Variants in NNMT observed in about 807,000 individuals in gnomAD.
NNMT encodes nicotinamide N-methyltransferase.
NNMT carries 10 observed loss-of-function variants against 11.7 expected under a neutral mutation model. That is an observed-to-expected ratio of 0.85 (90% CI 0.53 to 1.45). The LOEUF (loss-of-function observed/expected upper bound fraction) is 1.45. NNMT is among the 40% of genes most tolerant of loss of function. The pLI, the probability that NNMT is intolerant of heterozygous loss-of-function variation, is 0.00. For missense variants in NNMT, 381 were observed against 319.4 expected, an observed-to-expected ratio of 1.19 and a Z score of -1.47; for synonymous variants, 143 against 133.8, an observed-to-expected ratio of 1.07 and a Z score of -0.48.
chr11:114,299,660 C>T (rs187258256), intron 2 of NNMT, among the ~76,000 whole-genome samples: 170 of 152,202 alleles, frequency 1.1e-3, no homozygotes, highest in African/African-American at 3.3e-3. Context: ...AATTTTTGTG[C>T]GAGAGAAGAC....
In NNMT at chr11:114,312,082, G is replaced by T; in HGVS notation, c.400G>T (p.Ala134Ser). 1 of 1,594,366 alleles carries T rather than the reference G, an allele frequency of 6.3e-7. No individual in the cohort carries two copies. The highest frequency in any genetic ancestry group is 8.6e-7 in the Non-Finnish European group (1 of 1,167,190). The change falls in exon 3 of 3, where the codon GCG becomes TCG. Residue 134 changes from alanine (A) to serine (S), a missense_variant. Physicochemically the swap from Ala to Ser is moderately conservative, Grantham distance 99. Transcript: ENST00000299964. ...GPEKEEKLRQAVKQVLKCDVT... is the reference protein window; with the variant it reads ...GPEKEEKLRQSVKQVLKCDVT... ...AGAGAAGGAGGAGAAGTTGAGACAG[G>T]CGGTCAAGCAGGTGCTGAAGTGTGA...
At chr11:114,293,346 C>T (rs984703102), upstream of NNMT, among the ~76,000 whole-genome samples, 5 of 152,104 alleles carry the variant, frequency 3.3e-5, no homozygotes, top group African/African-American at 1.2e-4. Flanking sequence ...TTCCTTTACT[C>T]CCTTTCCCCA....
chr11:114,292,195 C>A (rs186746336), upstream of NNMT, among the ~76,000 whole-genome samples: 5 of 152,264 alleles, frequency 3.3e-5, no homozygotes, highest in Admixed American at 2.0e-4. Context: ...TCCTCTACTG[C>A]TAATATATAC....
At chr11:114,277,202 G>A (rs1022021527) in intron 2 of NNMT, among the ~76,000 whole-genome samples, 2 of 152,042 alleles carry the variant, frequency 1.3e-5, no homozygotes, top group South Asian at 2.1e-4. Context: ...CAGCCTGGGC[G>A]ACATAGCAAG....
intron 2 of NNMT, among the ~76,000 whole-genome samples, chr11:114,281,060 C>T (rs1478621621): frequency 6.6e-6 from 1 of 152,194 alleles, no homozygotes; most frequent in Non-Finnish European, 1.5e-5. Context: ...CCCAGGGTCC[C>T]ACTAGGGACG....
At chr11:114,265,235 C>T (rs751333162) in intron 2 of NNMT, among the ~76,000 whole-genome samples, 7 of 152,274 alleles carry the variant, frequency 4.6e-5, no homozygotes, top group South Asian at 2.1e-4. Flanking sequence ...AGGAGTTGTG[C>T]GCCAAGAGAC....
At chr11:114,271,128 G>A (rs528295399) in intron 2 of NNMT, among the ~76,000 whole-genome samples, 1 of 152,294 alleles carries the variant, frequency 6.6e-6, no homozygotes, top group Non-Finnish European at 1.5e-5. Context: ...TCATATTGGG[G>A]CCAAGGGGTT....
At chr11:114,303,515 A>G (rs1175165875) in intron 2 of NNMT, among the ~76,000 whole-genome samples, 1 of 152,200 alleles carries the variant, frequency 6.6e-6, no homozygotes, top group East Asian at 1.9e-4. Context: ...CAATTTTTCT[A>G]GATATTGAGT....
intron 2 of NNMT, among the ~76,000 whole-genome samples, chr11:114,278,562 A>G (rs1945233124): frequency 6.6e-6 from 1 of 152,094 alleles, no homozygotes; most frequent in Non-Finnish European, 1.5e-5. Context: ...AAGCAGGCAG[A>G]GAGTACCAGA....
At position 114,296,479 on chromosome 11, in the gene NNMT, A is replaced by G; in HGVS notation, c.-78A>G. On this transcript the variant is annotated 5_prime_UTR_variant, in exon 1 of 3. Transcript: ENST00000299964. Reference sequence around the variant, plus strand: ...TGTTAGCCTGAGACTCAGGAAGACAACTTCTGCAGGGTCACTCCCTGGCTT... The same window carrying G: ...TGTTAGCCTGAGACTCAGGAAGACAGCTTCTGCAGGGTCACTCCCTGGCTT... 6.6e-7 allele frequency: 1 copy of G among 1,504,612 alleles called. No homozygotes were observed. The highest frequency in any genetic ancestry group is 9.0e-7 in the Non-Finnish European group (1 of 1,109,792). The allele number at this position is 1,504,612 out of a possible 1,614,324, so 93.2% of individuals were successfully genotyped here. A position where few individuals can be genotyped will look rare whatever the true frequency, so the allele number is the denominator to read the frequency against.
intron 2 of NNMT, among the ~76,000 whole-genome samples, chr11:114,267,076 C>A (rs2135244216): frequency 6.6e-6 from 1 of 152,234 alleles, no homozygotes; most frequent in Non-Finnish European, 1.5e-5. Context: ...ACCAGCCTGG[C>A]CAACATGGTG....
At position 114,313,357 on chromosome 11, in the gene NNMT, T is replaced by G. The variant is rs1945573182; in HGVS notation, c.*880T>G. ...TTAGCTAGGTGTGGCGGCATATGCC[T>G]GTGGTCCCAGCTACTCAGGAGGCTG... is the stretch of plus-strand genomic sequence containing the variant. On this transcript the variant is annotated 3_prime_UTR_variant, in exon 3 of 3. Transcript: ENST00000299964. The G allele has an allele frequency of 1.3e-5, 2 of 152,164 alleles. No homozygotes were observed. The highest frequency in any genetic ancestry group is 4.8e-5 in the African/African-American group (2 of 41,410). The allele number at this position is 152,164 out of a possible 1,614,324, so 9.4% of individuals were successfully genotyped here.
intron 2 of NNMT, among the ~76,000 whole-genome samples, chr11:114,287,152 T>G (rs1945305919): frequency 6.6e-6 from 1 of 152,212 alleles, no homozygotes; most frequent in Non-Finnish European, 1.5e-5. Context: ...TTCTTGCTTG[T>G]CAGTTTCATG....
chr11:114,275,175 C>T (rs1352452066), intron 2 of NNMT, among the ~76,000 whole-genome samples: 1 of 151,966 alleles, frequency 6.6e-6, no homozygotes, highest in African/African-American at 2.4e-5. Context: ...AAAGAGTAAC[C>T]CTTTAAGTGC....
At chr11:114,296,860 T>C in intron 1 of NNMT, 150 bp downstream of exon 1, 2 of 757,962 alleles carry the variant, frequency 2.6e-6, no homozygotes, top group Admixed American at 4.9e-5. Context: ...AATATTGGTA[T>C]AGCGATTCCA....
intron 2 of NNMT, among the ~76,000 whole-genome samples, chr11:114,285,345 G>T (rs576564249): frequency 6.6e-6 from 1 of 152,134 alleles, no homozygotes; most frequent in African/African-American, 2.4e-5. Context: ...AGCCCTCTGC[G>T]TACATACAGT....
chr11:114,285,424 A>T (rs572822190), intron 2 of NNMT, among the ~76,000 whole-genome samples: 91 of 152,266 alleles, frequency 6.0e-4, no homozygotes, highest in Non-Finnish European at 1.1e-3. Context: ...GACAAAAGAG[A>T]GAAGCTGACA....
chr11:114,293,262 A>T (rs1945347497), upstream of NNMT, among the ~76,000 whole-genome samples: 2 of 152,176 alleles, frequency 1.3e-5, no homozygotes, highest in African/African-American at 4.8e-5. Flanking sequence ...AAGATACAAC[A>T]GTTGCAATAA....
chr11:114,299,286 A>G (rs1470694208), intron 2 of NNMT, among the ~76,000 whole-genome samples: 2 of 152,206 alleles, frequency 1.3e-5, no homozygotes, highest in African/African-American at 4.8e-5. Flanking sequence ...TTATCAGACT[A>G]AGTTCTGCAT....
Sources: allele counts gnomAD v4.1 joint callset (sites outside exome capture counted in the v4.1 genomes callset), GRCh38; gene constraint gnomAD v4.1.1; transcripts MANE v1.5; gene names NCBI Gene and HGNC (gene_info 2026-07-23, HGNC 2026-07-21).